PDE6D: variants seen among roughly 807,000 people sequenced by gnomAD.
PDE6D encodes phosphodiesterase 6D, also known as retinal rod rhodopsin-sensitive cGMP 3',5'-cyclic phosphodiesterase subunit delta.
In PDE6D, 10 loss-of-function variants were observed where a neutral mutation model predicts 21.9. That is an observed-to-expected ratio of 0.46 (90% CI 0.28 to 0.78). The LOEUF is 0.78. Ranked by LOEUF, PDE6D falls within the 30% of genes least tolerant of loss-of-function variation. The pLI, the probability that PDE6D is intolerant of heterozygous loss-of-function variation, is 0.12. For synonymous variants in PDE6D, 59 were observed against 63.5 expected (o/e 0.93, Z 0.34); for missense variants, 139 against 184.8 (o/e 0.75, Z 1.44).
intron 1 of PDE6D, among the ~76,000 whole-genome samples, chr2:231,760,855 G>A (rs1394872704): frequency 1.3e-5 from 2 of 152,146 alleles, no homozygotes; most frequent in Non-Finnish European, 2.9e-5. Flanking sequence ...AGGACACGCT[G>A]CAAGGCTAGT....
intron 1 of PDE6D, among the ~76,000 whole-genome samples, chr2:231,769,485 C>T (rs536259687): frequency 2.2e-4 from 33 of 152,006 alleles, no homozygotes; most frequent in Non-Finnish European, 3.4e-4. Flanking sequence ...CCACACATGG[C>T]ATAATTATGA....
intron 1 of PDE6D, among the ~76,000 whole-genome samples, chr2:231,767,123 AG>A (rs1433585981): frequency 6.6e-6 from 1 of 152,112 alleles, no homozygotes; most frequent in Admixed American, 6.5e-5. Flanking sequence ...AAAGGCTCAC[AG>A]GTATCGAAGC....
chr2:231,764,055 A>T (rs1284031719), intron 1 of PDE6D, among the ~76,000 whole-genome samples: 1 of 152,212 alleles, frequency 6.6e-6, no homozygotes, highest in South Asian at 2.1e-4. Context: ...GCATTGTTCT[A>T]GGAAACAGGA....
rs775118317 is a variant in PDE6D at position 231,757,951 on chromosome 2, T to TA, written c.51-18764dup. ...TACAGAGAAGATGAGCATGGCCCCT[T>TA]AAAAAAAAAAGAAAACAAAGGACAA... On this transcript the variant is annotated intron_variant, in intron 1 of 4. Coordinates refer to ENST00000287600, the MANE Select transcript of PDE6D (RefSeq NM_002601.4). Among the ~76,000 whole-genome samples, 1,314 of 146,998 alleles carry TA rather than the reference T, an allele frequency of 8.9e-3. 9 individuals are homozygous for TA. The highest frequency in any genetic ancestry group is 0.029 in the African/African-American group (1,169 of 40,256).
In PDE6D at chr2:231,746,578, TGA is replaced by T. The variant is rs2048795690; in HGVS notation, c.51-7392_51-7391del. On this transcript the variant is annotated intron_variant, in intron 1 of 4. Coordinates refer to ENST00000287600, the MANE Select transcript of PDE6D (RefSeq NM_002601.4). ...TATTTTGGAATGAGTACACTGGTTCTGAGAGACTTGATTCGTTTTAAATGGAA... is the reference window on the plus strand; with the variant it reads ...TATTTTGGAATGAGTACACTGGTTCTGAGACTTGATTCGTTTTAAATGGAA... 2.6e-5 allele frequency among the ~76,000 whole-genome samples: 4 copies of T among 152,346 alleles called. No individual in the cohort carries two copies. In the South Asian group the frequency reaches 8.3e-4, roughly 32 times the overall value.
intron 1 of PDE6D, among the ~76,000 whole-genome samples, chr2:231,754,201 A>G (rs942091555): frequency 2.0e-5 from 3 of 152,150 alleles, no homozygotes; most frequent in African/African-American, 7.2e-5. Flanking sequence ...GACAGCAATT[A>G]TTGTTATCAG....
At chr2:231,734,811 C>T (rs1277312418) in intron 4 of PDE6D, among the ~76,000 whole-genome samples, 2 of 144,290 alleles carry the variant, frequency 1.4e-5, no homozygotes, top group African/African-American at 5.2e-5. Flanking sequence ...CATGCTACTG[C>T]ACTCCAGCCT....
chr2:231,745,604 G>A (rs2048787981), intron 1 of PDE6D, among the ~76,000 whole-genome samples: 1 of 152,130 alleles, frequency 6.6e-6, no homozygotes, highest in Non-Finnish European at 1.5e-5. Flanking sequence ...CTCTAATTTG[G>A]AACCAGGCAA....
chr2:231,766,488 A>C (rs2106282486), intron 1 of PDE6D, among the ~76,000 whole-genome samples: 1 of 152,072 alleles, frequency 6.6e-6, no homozygotes, highest in East Asian at 1.9e-4. Flanking sequence ...GCTTCCCAGC[A>C]CCTCCTGACT....
intron 1 of PDE6D, among the ~76,000 whole-genome samples, chr2:231,753,500 G>A (rs1009689122): frequency 1.5e-4 from 23 of 151,944 alleles, no homozygotes; most frequent in Admixed American, 2.0e-4. Context: ...GCAGTGAGCC[G>A]AGATCGTGCC....
chr2:231,734,357 T>C (rs1419443744), intron 4 of PDE6D, among the ~76,000 whole-genome samples: 1 of 151,800 alleles, frequency 6.6e-6, no homozygotes, highest in Non-Finnish European at 1.5e-5. Flanking sequence ...TTTCATCTTA[T>C]GATAGGTTTG....
intron 1 of PDE6D, among the ~76,000 whole-genome samples, chr2:231,746,099 T>C (rs952615158): frequency 7.9e-5 from 12 of 152,188 alleles, no homozygotes; most frequent in Non-Finnish European, 1.2e-4. Context: ...TATTTTTTAG[T>C]TCATCAGCTA....
intron 1 of PDE6D, among the ~76,000 whole-genome samples, chr2:231,757,897 C>T (rs974775102): frequency 2.6e-5 from 4 of 151,574 alleles, no homozygotes; most frequent in Non-Finnish European, 5.9e-5. Flanking sequence ...GTGCTTGCTT[C>T]GGCAGCACAT....
In PDE6D at chr2:231,781,052, C is replaced by G. The variant is rs2049118262; in HGVS notation, c.50+13G>C. ...CAAGTCCTCCCGGCCCCGCCCCGCT[C>G]CCGGACGGATACAGTTTGAAGCCCC... On this transcript the variant is annotated intron_variant, in intron 1 of 4. Coordinates refer to ENST00000287600, the MANE Select transcript of PDE6D (RefSeq NM_002601.4). 1 of 1,611,452 alleles carries G rather than the reference C, an allele frequency of 6.2e-7. No homozygotes were observed. The highest frequency in any genetic ancestry group is 8.5e-7 in the Non-Finnish European group (1 of 1,178,194).
chr2:231,735,217 G>A (rs1368840956), intron 4 of PDE6D, among the ~76,000 whole-genome samples: 20 of 145,068 alleles, frequency 1.4e-4, no homozygotes, highest in African/African-American at 4.8e-4. Flanking sequence ...ACTCCAGCCT[G>A]GGCAACAGAG....
At chr2:231,774,876 C>T (rs1453113252) in intron 1 of PDE6D, among the ~76,000 whole-genome samples, 3 of 151,656 alleles carry the variant, frequency 2.0e-5, no homozygotes, top group African/African-American at 7.3e-5. Context: ...CAGGCATGAG[C>T]CACTGTGCCT....
chr2:231,738,173 A>G (rs1249742431), intron 2 of PDE6D, 35 bp from the exon 3 acceptor site: 1 of 1,593,680 alleles, frequency 6.3e-7, no homozygotes, highest in Admixed American at 1.8e-5. Flanking sequence ...AAGCCTTTCT[A>G]AATGAAAACC....
In PDE6D at chr2:231,758,164, TTAGA is replaced by T. The variant is rs761711758; in HGVS notation, c.51-18980_51-18977del. ...CTGTCTGTCTGTCTAAAACGGCATC[TTAGA>T]TAGACAGACAGATAGGTAGATAGAT... On this transcript the variant is annotated intron_variant, in intron 1 of 4. Transcript: ENST00000287600. Among the ~76,000 whole-genome samples, 27 of 152,288 alleles carry T rather than the reference TTAGA, an allele frequency of 1.8e-4. 1 individual carries two copies. The South Asian group carries it at 5.0e-3, about 28-fold the overall frequency.
At chr2:231,734,868 A>AAAC (rs1489189932) in intron 4 of PDE6D, among the ~76,000 whole-genome samples, 1 of 149,650 alleles carries the variant, frequency 6.7e-6, no homozygotes, top group African/African-American at 2.5e-5. Flanking sequence ...CAAAAAAAAA[A>AAAC]ACCCCAAAAA....
Sources: allele counts gnomAD v4.1 joint callset (sites outside exome capture counted in the v4.1 genomes callset), GRCh38; gene constraint gnomAD v4.1.1; transcripts MANE v1.5; gene names NCBI Gene and HGNC (gene_info 2026-07-23, HGNC 2026-07-21).